Variants in ADAMTS20 observed in about 807,000 individuals in gnomAD.
The protein encoded by ADAMTS20 is ADAM metallopeptidase with thrombospondin type 1 motif 20.
Under a neutral mutation model 260.1 loss-of-function variants are expected in ADAMTS20, and 225 were observed. That is an observed-to-expected ratio of 0.87 (90% CI 0.78 to 0.97). The LOEUF (loss-of-function observed/expected upper bound fraction) is 0.97. Among genes scored for constraint, ADAMTS20 ranks in the 50% least tolerant of loss-of-function variants. The pLI is 0.00. For missense variants in ADAMTS20, 2,400 were observed against 2,337.7 expected, an observed-to-expected ratio of 1.03 and a Z score of -0.55; for synonymous variants, 802 against 769.5, an observed-to-expected ratio of 1.04 and a Z score of -0.70.
At chr12:43,431,115 G>T (rs1003905732) in intron 22 of ADAMTS20, among the ~76,000 whole-genome samples, 1 of 152,172 alleles carries the variant, frequency 6.6e-6, no homozygotes, top group Non-Finnish European at 1.5e-5. Flanking sequence ...GTTAACAAAA[G>T]GGAATTTAAA....
intron 28 of ADAMTS20, among the ~76,000 whole-genome samples, chr12:43,413,913 T>C (rs552181172): frequency 1.1e-3 from 164 of 152,298 alleles, no homozygotes; most frequent in African/African-American, 3.5e-3. Flanking sequence ...CATAAGATTG[T>C]GTGTGCAGAA....
chr12:43,356,379 T>TA (rs1290263766), intron 38 of ADAMTS20, 105 bp downstream of exon 38: 4 of 661,630 alleles, frequency 6.0e-6, no homozygotes, highest in African/African-American at 1.8e-5. Flanking sequence ...AATATCTCTT[T>TA]AGTCATCAAT....
At chr12:43,362,112 GA>G (rs1382988261) in intron 37 of ADAMTS20, among the ~76,000 whole-genome samples, 2 of 152,192 alleles carry the variant, frequency 1.3e-5, no homozygotes, top group Non-Finnish European at 2.9e-5. Context: ...TGGGTTGTTG[GA>G]CAAAGTTGAC....
chr12:43,377,352 A>G lies in ADAMTS20; in HGVS notation c.4995+13T>C. 1.3e-6 allele frequency: 2 copies of G among 1,599,620 alleles called. No individual in the cohort carries two copies. The highest frequency in any genetic ancestry group is 1.3e-5 in the African/African-American group (1 of 74,768). ...TTATTCAGAAGTTTTAAAATTCATA[A>G]TTGTACACCGACCTTGCTCCATTTT... is the stretch of plus-strand genomic sequence containing the variant. On this transcript the variant is annotated intron_variant, in intron 32 of 38. Coordinates refer to ENST00000389420, the MANE Select transcript of ADAMTS20 (RefSeq NM_025003.5).
At chr12:43,367,586 ATACT>A (rs1338084940) in intron 37 of ADAMTS20, among the ~76,000 whole-genome samples, 2 of 152,058 alleles carry the variant, frequency 1.3e-5, no homozygotes, top group Admixed American at 1.3e-4. Context: ...TGAAACTAAC[ATACT>A]TACTGCTGAA....
chr12:43,528,755 T>A (rs926761510), intron 3 of ADAMTS20, among the ~76,000 whole-genome samples: 23 of 152,034 alleles, frequency 1.5e-4, no homozygotes, highest in African/African-American at 5.3e-4. Context: ...AGGCAAAGAA[T>A]TTATGACTAA....
intron 28 of ADAMTS20, among the ~76,000 whole-genome samples, chr12:43,409,372 A>G (rs112005095): frequency 0.057 from 8,599 of 151,686 alleles, 269 homozygotes; most frequent in East Asian, 0.1. Context: ...GGAGGCCGAG[A>G]CGGGCGGATC....
At chr12:43,409,296 T>C (rs1940978321) in intron 28 of ADAMTS20, among the ~76,000 whole-genome samples, 1 of 151,256 alleles carries the variant, frequency 6.6e-6, no homozygotes, top group Non-Finnish European at 1.5e-5. Flanking sequence ...GAAGTAGAAA[T>C]AGGAAGATAA....
At chr12:43,415,105 CTG>C (rs1469479647) in intron 28 of ADAMTS20, among the ~76,000 whole-genome samples, 1 of 152,152 alleles carries the variant, frequency 6.6e-6, no homozygotes, top group Non-Finnish European at 1.5e-5. Flanking sequence ...AGTATCCTAA[CTG>C]TCACAAATTT....
intron 3 of ADAMTS20, among the ~76,000 whole-genome samples, chr12:43,511,807 C>G (rs1028912561): frequency 5.3e-5 from 8 of 152,086 alleles, no homozygotes; most frequent in Non-Finnish European, 1.0e-4. Context: ...CACTAACATG[C>G]AACAATCCAT....
intron 12 of ADAMTS20, among the ~76,000 whole-genome samples, 200 bp from the exon 13 acceptor site, chr12:43,452,895 A>T (rs1025606263): frequency 2.0e-5 from 3 of 152,188 alleles, no homozygotes; most frequent in African/African-American, 7.2e-5. Context: ...GTGGACAGTG[A>T]GCCTAGAGGG....
At chr12:43,408,871 C>T (rs1308019467) in intron 28 of ADAMTS20, among the ~76,000 whole-genome samples, 1 of 152,068 alleles carries the variant, frequency 6.6e-6, no homozygotes, top group Non-Finnish European at 1.5e-5. Context: ...GATTTGGTGT[C>T]AGAGGCCTAC....
chr12:43,362,450 AG>A (rs1939891172), intron 37 of ADAMTS20, among the ~76,000 whole-genome samples: 2 of 152,290 alleles, frequency 1.3e-5, no homozygotes, highest in Non-Finnish European at 2.9e-5. Flanking sequence ...GGAAATAAAT[AG>A]GGCTAACCAG....
Position 43,464,590 on chromosome 12 carries a change from C to A in ADAMTS20, c.1509+1G>T. 6.2e-7 allele frequency: 1 copy of A among 1,609,658 alleles called. No homozygotes were observed. Among genetic ancestry groups the A allele is most frequent in the Non-Finnish European group, 8.5e-7 (1 of 1,178,528 alleles). Reference sequence around the variant, plus strand: ...AAAATAAAGGAATTTTCTTTTCTTACTATATGGGGACACATTTGTGACCCA... The same window carrying A: ...AAAATAAAGGAATTTTCTTTTCTTAATATATGGGGACACATTTGTGACCCA... On this transcript the variant is annotated splice_donor_variant, in intron 10 of 38. Transcript: ENST00000389420. LOFTEE classifies it high-confidence loss of function.
At chr12:43,397,223 A>C (rs1485120046) in intron 29 of ADAMTS20, among the ~76,000 whole-genome samples, 2 of 152,188 alleles carry the variant, frequency 1.3e-5, no homozygotes, top group Non-Finnish European at 2.9e-5. Context: ...CTAGGTGTGG[A>C]AACAAAATGT....
At position 43,432,488 on chromosome 12, in the gene ADAMTS20, T is replaced by C; in HGVS notation, c.2932-20A>G. On this transcript the variant is annotated intron_variant, in intron 20 of 38. Transcript: ENST00000389420. ...GGAACACTGATTAAAAAAAAAAAAGTGGTAACTAATGGAAAAAAATCAGAT... is the reference window on the plus strand; with the variant it reads ...GGAACACTGATTAAAAAAAAAAAAGCGGTAACTAATGGAAAAAAATCAGAT... The C allele has an allele frequency of 6.5e-7, 1 of 1,540,570 alleles. No individual in the cohort carries two copies. Among genetic ancestry groups the C allele is most frequent in the Non-Finnish European group, 8.8e-7 (1 of 1,133,574 alleles).
intron 36 of ADAMTS20, among the ~76,000 whole-genome samples, chr12:43,373,627 A>AT (rs1163186128): frequency 7.0e-6 from 1 of 142,608 alleles, no homozygotes; most frequent in Admixed American, 7.0e-5. Flanking sequence ...ACAAGCTTGT[A>AT]TTATATGTAA....
At position 43,439,688 on chromosome 12, in the gene ADAMTS20, C is replaced by G. The variant is rs750215084; in HGVS notation, c.2527G>C (p.Glu843Gln). The change falls in exon 18 of 39, where the codon GAG becomes CAG. Residue 843 changes from glutamate to glutamine, a missense_variant. Transcript: ENST00000389420. Reference sequence around the variant, plus strand: ...TCCCATGTGAACATGTCACTCCTCTCTTCCAAAGGGATATTGAAGGAATAA... The same window carrying G: ...TCCCATGTGAACATGTCACTCCTCTGTTCCAAAGGGATATTGAAGGAATAA... ...VHYSFNIPLE[E>Q]RSDMFTWDPY... The G allele has an allele frequency of 6.2e-7, 1 of 1,613,858 alleles. No individual in the cohort carries two copies. Among genetic ancestry groups the G allele is most frequent in the Non-Finnish European group, 8.5e-7 (1 of 1,179,844 alleles).
chr12:43,512,038 A>G (rs1057282507), intron 3 of ADAMTS20, among the ~76,000 whole-genome samples: 3 of 151,934 alleles, frequency 2.0e-5, no homozygotes, highest in Non-Finnish European at 4.4e-5. Context: ...TCTTATTAAT[A>G]CTATTATCAA....
Sources: allele counts gnomAD v4.1 joint callset (sites outside exome capture counted in the v4.1 genomes callset), GRCh38; gene constraint gnomAD v4.1.1; transcripts MANE v1.5; gene names NCBI Gene and HGNC (gene_info 2026-07-23, HGNC 2026-07-21).